The following UNC13C variants were observed in gnomAD, a reference collection of about 807,000 sequenced individuals.
UNC13C encodes the protein unc-13 homolog C.
UNC13C carries 174 observed loss-of-function variants against 245.4 expected under a neutral mutation model. That is an observed-to-expected ratio of 0.71 (90% CI 0.63 to 0.80). The LOEUF (loss-of-function observed/expected upper bound fraction) is 0.80, where lower values mean the gene tolerates loss of function less well. Among genes scored for constraint, UNC13C ranks in the 30% least tolerant of loss-of-function variants. The pLI, the probability that UNC13C is intolerant of heterozygous loss-of-function variation, is 0.00. For synonymous variants in UNC13C, 992 were observed against 895.1 expected, an observed-to-expected ratio of 1.11 and a Z score of -1.93; for missense variants, 2,829 against 2,602.9, an observed-to-expected ratio of 1.09 and a Z score of -1.89.
At chr15:54,204,349 A>C (rs559273410) in intron 4 of UNC13C, among the ~76,000 whole-genome samples, 1 of 150,422 alleles carries the variant, frequency 6.6e-6, no homozygotes, top group East Asian at 2.0e-4. Flanking sequence ...CCGTTTTTAC[A>C]TACTGTCAAT....
chr15:54,546,766 G>T lies in UNC13C; in HGVS notation c.5741G>T (p.Arg1914Leu). The T allele has an allele frequency of 1.9e-6, 3 of 1,550,894 alleles. No individual in the cohort carries two copies. The highest frequency in any genetic ancestry group is 1.2e-5 in the South Asian group (1 of 83,244). The change falls in exon 27 of 33, where the codon CGA (arginine) becomes CTA (leucine). Residue 1914 changes from arginine to leucine, a missense_variant. By Grantham distance (102) the Arg-to-Leu change is moderately radical. Transcript: ENST00000260323. ...ATCTGTGAGAAAACAGTCCTAAAGC[G>T]AGTTTTAAAAGAGTTATGGAAGCTA... The part of the protein sequence containing the change: ...AKICEKTVLK[R>L]VLKELWKLVL...
chr15:54,632,806 A>C (rs1328756845), downstream of UNC13C: 2 of 152,202 alleles, frequency 1.3e-5, no homozygotes, highest in African/African-American at 4.8e-5. Flanking sequence ...CTCAGGTAGT[A>C]AGAGTTCTCC....
At chr15:54,621,798 C>G (rs1192819792) in intron 30 of UNC13C, among the ~76,000 whole-genome samples, 2 of 152,148 alleles carry the variant, frequency 1.3e-5, no homozygotes, top group Non-Finnish European at 2.9e-5. Context: ...CCTGACTAAT[C>G]TTTTCCAGGA....
intron 17 of UNC13C, among the ~76,000 whole-genome samples, chr15:54,361,475 C>T (rs1041473731): frequency 6.6e-6 from 1 of 152,146 alleles, no homozygotes; most frequent in Non-Finnish European, 1.5e-5. Context: ...AATTTTCTGA[C>T]AGACATTTCA....
chr15:53,925,546 A>G, the UNC13C span, among the ~76,000 whole-genome samples: 1 of 152,304 alleles, frequency 6.6e-6, no homozygotes, highest in South Asian at 2.1e-4. Context: ...AGAAGTGTCA[A>G]GCAGGATAGA....
At chr15:54,612,221 C>G (rs1900140659) in intron 30 of UNC13C, among the ~76,000 whole-genome samples, 1 of 152,004 alleles carries the variant, frequency 6.6e-6, no homozygotes, top group African/African-American at 2.4e-5. Context: ...ATATTTTTCA[C>G]AAAATCTCTA....
intron 19 of UNC13C, among the ~76,000 whole-genome samples, chr15:54,418,009 C>T (rs762451744): frequency 1.8e-4 from 28 of 152,020 alleles, no homozygotes; most frequent in Non-Finnish European, 3.5e-4. Flanking sequence ...CTGCAACCTC[C>T]GACTCCCTGA....
intron 19 of UNC13C, among the ~76,000 whole-genome samples, chr15:54,447,894 T>C (rs949902219): frequency 2.0e-5 from 3 of 152,254 alleles, no homozygotes; most frequent in African/African-American, 7.2e-5. Flanking sequence ...CTTTCCTGCT[T>C]TCTCTTGTGA....
chr15:54,333,623 A>T, intron 15 of UNC13C, 144 bp from the exon 16 acceptor site: 1 of 583,152 alleles, frequency 1.7e-6, no homozygotes, highest in Non-Finnish European at 3.1e-6. Flanking sequence ...TTATGACAAA[A>T]ATATTTTAAG....
chr15:53,878,674 A>C, the UNC13C span, among the ~76,000 whole-genome samples: 3 of 152,146 alleles, frequency 2.0e-5, no homozygotes, highest in African/African-American at 7.2e-5. Flanking sequence ...TTTGGAAGCT[A>C]TCCTTAAAAA....
In UNC13C at chr15:54,013,154, AAG is replaced by A. The variant is rs776884153; in HGVS notation, c.254_255del (p.Glu85ValfsTer22). 1.2e-6 allele frequency: 2 copies of A among 1,613,738 alleles called. No homozygotes were observed. The highest frequency in any genetic ancestry group is 1.7e-6 in the Non-Finnish European group (2 of 1,179,860). ...TCCACTGAGGAAGACGAGGCCAGTA[AAG>A]AGTTTTCCCTCTCACCAACATTCAG... On this transcript the variant is annotated frameshift_variant, in exon 2 of 33. Coordinates refer to ENST00000260323, the MANE Select transcript of UNC13C (RefSeq NM_001080534.3). LOFTEE classifies it high-confidence loss of function.
chr15:54,492,923 T>C (rs1480918920), intron 19 of UNC13C, among the ~76,000 whole-genome samples: 1 of 152,202 alleles, frequency 6.6e-6, no homozygotes, highest in Non-Finnish European at 1.5e-5. Context: ...AGGGTGTTAA[T>C]CATAAGAGTA....
In UNC13C at chr15:54,404,055, A is replaced by G. The variant is rs76258684; in HGVS notation, c.4847+10874A>G. ...AGTTAATTGCACTAAATACATGTCA[A>G]GCATCTTAAGTGCAGAGCATACTAA... On this transcript the variant is annotated intron_variant, in intron 18 of 32. Coordinates refer to ENST00000260323, the MANE Select transcript of UNC13C (RefSeq NM_001080534.3). 3.7e-3 allele frequency among the ~76,000 whole-genome samples: 571 copies of G among 152,296 alleles called. 28 individuals carry two copies. In the East Asian group the frequency reaches 0.082, roughly 22 times the overall value.
intron 18 of UNC13C, among the ~76,000 whole-genome samples, chr15:54,407,423 ATTAAT>A (rs997293686): frequency 2.6e-4 from 40 of 152,328 alleles, no homozygotes; most frequent in South Asian, 1.0e-3. Context: ...TAGTATTGCC[ATTAAT>A]TTAACTATGA....
intron 19 of UNC13C, among the ~76,000 whole-genome samples, chr15:54,490,613 C>T (rs1348256069): frequency 6.6e-6 from 1 of 151,442 alleles, no homozygotes; most frequent in Admixed American, 6.6e-5. Flanking sequence ...ACCTGCTTTC[C>T]AAAGTGTAGA....
At chr15:54,527,579 A>G (rs1168814785) in intron 25 of UNC13C, among the ~76,000 whole-genome samples, 1 of 152,180 alleles carries the variant, frequency 6.6e-6, no homozygotes, top group Non-Finnish European at 1.5e-5. Context: ...TATAAAGGCT[A>G]GAATATGTTT....
chr15:54,033,730 A>G (rs188535672), intron 2 of UNC13C, among the ~76,000 whole-genome samples: 2 of 152,310 alleles, frequency 1.3e-5, no homozygotes, highest in East Asian at 1.9e-4. Flanking sequence ...TAATTTTTAA[A>G]TGTTAGGACA....
chr15:54,127,296 G>C (rs1375841220), intron 2 of UNC13C, among the ~76,000 whole-genome samples: 2 of 152,020 alleles, frequency 1.3e-5, no homozygotes, highest in Non-Finnish European at 2.9e-5. Context: ...CAAAGACTTG[G>C]AACCAACCCA....
chr15:54,424,204 G>GA (rs1037794375), intron 19 of UNC13C, among the ~76,000 whole-genome samples: 40 of 147,500 alleles, frequency 2.7e-4, no homozygotes, highest in Admixed American at 7.4e-4. Flanking sequence ...TATAACCAAT[G>GA]AAAAAAAAAA....
Sources: gnomAD v4.1 joint callset for allele counts (sites outside exome capture counted in the v4.1 genomes callset) on GRCh38, gnomAD v4.1.1 for gene constraint, MANE v1.5 for transcripts, NCBI Gene and HGNC (gene_info 2026-07-23, HGNC 2026-07-21) for gene names.